Variants in PTGDS observed in about 807,000 individuals in gnomAD.
PTGDS encodes prostaglandin-H2 D-isomerase.
PTGDS carries 21 observed loss-of-function variants against 28.4 expected under a neutral mutation model. The observed-to-expected ratio is 0.74, with a 90% CI of 0.52 to 1.07. The LOEUF (loss-of-function observed/expected upper bound fraction) is 1.07, where lower values mean the gene tolerates loss of function less well. PTGDS is among the 50% of genes least tolerant of loss of function. The pLI is 0.00. For synonymous variants in PTGDS, 102 were observed against 106.0 expected (o/e 0.96, Z 0.23); for missense variants, 243 against 247.7 (o/e 0.98, Z 0.13).
chr9:136,977,688 A>G lies in PTGDS; in HGVS notation c.110A>G (p.Asp37Gly). The G allele has an allele frequency of 5.6e-6, 9 of 1,595,490 alleles. No individual in the cohort carries two copies. Among genetic ancestry groups the G allele is most frequent in the Non-Finnish European group, 7.7e-6 (9 of 1,172,846 alleles). Residue 37 changes from aspartate (D) to glycine (G), a missense_variant, in exon 1 of 7, where the codon GAC becomes GGC. Coordinates refer to ENST00000371625, the MANE Select transcript of PTGDS (RefSeq NM_000954.6). ...TCCGTGCAGCCCAACTTCCAGCAGGACAAGGTGAGGGGCTTTCCTGCGTCA... is the reference window on the plus strand; with the variant it reads ...TCCGTGCAGCCCAACTTCCAGCAGGGCAAGGTGAGGGGCTTTCCTGCGTCA... ...QVSVQPNFQQ[D>G]KFLGRWFSAG...
At position 136,980,179 on chromosome 9, in the gene PTGDS, C is replaced by T; in HGVS notation, c.449-4C>T. The T allele has an allele frequency of 6.2e-7, 1 of 1,613,652 alleles. No individual in the cohort carries two copies. The highest frequency in any genetic ancestry group is 8.5e-7 in the Non-Finnish European group (1 of 1,179,924). ...AGGCCAGCTCCGTCTCCACCCTGTCCCAGGCCGAACCCAGACCCCCAGGGC... is the reference window on the plus strand; with the variant it reads ...AGGCCAGCTCCGTCTCCACCCTGTCTCAGGCCGAACCCAGACCCCCAGGGC... On this transcript the variant is annotated splice_region_variant and splice_polypyrimidine_tract_variant and intron_variant, in intron 4 of 6. Coordinates refer to ENST00000371625, the MANE Select transcript of PTGDS (RefSeq NM_000954.6).
chr9:136,979,909 G>C, intron 3 of PTGDS, 37 bp from the exon 4 acceptor site: 1 of 1,580,322 alleles, frequency 6.3e-7, no homozygotes, highest in Non-Finnish European at 8.7e-7. Flanking sequence ...GGTTTGGGGG[G>C]CTGAGTCCCC....
At chr9:136,979,562 C>A in intron 3 of PTGDS, 1 of 1,103,706 alleles carries the variant, frequency 9.1e-7, no homozygotes, top group Non-Finnish European at 1.3e-6. Context: ...CTGGAGTTTT[C>A]CCCACATAAG....
rs1256465024 is a variant in PTGDS, at chr9:136,977,794, C to T, written c.114+102C>T. ...CCCCTGGGAGGAGTGAGCGAAGTCC[C>T]GCAGTGCCGGGCAGTGCCGGCCAGG... On this transcript the variant is annotated intron_variant, in intron 1 of 6. Transcript: ENST00000371625. 4 of 1,145,618 alleles carry T rather than the reference C, an allele frequency of 3.5e-6. No homozygotes were observed. The Admixed American group carries it at 8.1e-5, about 23-fold the overall frequency. The allele number at this position is 1,145,618 out of a possible 1,614,324, so 71.0% of individuals were successfully genotyped here.
chr9:136,979,003 G>A lies in PTGDS; in HGVS notation c.125G>A (p.Arg42His), dbSNP rs767866230. ...GGTCGCTCGCCGCAGTTCCTGGGGCGCTGGTTCAGCGCGGGCCTCGCCTCC... is the reference window on the plus strand; with the variant it reads ...GGTCGCTCGCCGCAGTTCCTGGGGCACTGGTTCAGCGCGGGCCTCGCCTCC... ...PNFQQDKFLG[R>H]WFSAGLASNS... The change falls in exon 2 of 7, where the codon CGC becomes CAC. Residue 42 changes from arginine to histidine, a missense_variant. Transcript: ENST00000371625. 1.9e-5 allele frequency: 30 copies of A among 1,608,090 alleles called. No homozygotes were observed. The highest frequency in any genetic ancestry group is 2.4e-5 in the Non-Finnish European group (28 of 1,178,288).
intron 5 of PTGDS, 96 bp downstream of exon 5, chr9:136,980,380 C>T (rs1830434876): frequency 5.1e-6 from 7 of 1,359,524 alleles, no homozygotes; most frequent in Non-Finnish European, 7.1e-6. Flanking sequence ...AGGAGGTGGC[C>T]CCGCCCTGCT....
At chr9:136,979,652 G>A (rs1322936574) in intron 3 of PTGDS, 1 of 617,632 alleles carries the variant, frequency 1.6e-6, no homozygotes, top group Admixed American at 3.0e-5. Flanking sequence ...CCCACCTGGG[G>A]AATGGCTCCC....
chr9:136,978,645 G>A (rs1341495653), intron 1 of PTGDS, among the ~76,000 whole-genome samples: 1 of 134,802 alleles, frequency 7.4e-6, no homozygotes, highest in African/African-American at 2.8e-5. Context: ...CCCTGGTTGT[G>A]GACATGAAGG....
At chr9:136,979,869 A>C in intron 3 of PTGDS, 77 bp from the exon 4 acceptor site, 1 of 1,364,360 alleles carries the variant, frequency 7.3e-7, no homozygotes, top group Non-Finnish European at 1.0e-6. Flanking sequence ...CAAAGCCCAC[A>C]GGTGCACCCC....
intron 1 of PTGDS, chr9:136,978,747 TG>T (rs1295812024): frequency 3.6e-6 from 1 of 280,410 alleles, no homozygotes; most frequent in Non-Finnish European, 6.4e-6. Flanking sequence ...GGGGCGGGGA[TG>T]TGAGGGGCGT....
At chr9:136,980,627 G>T (rs1048176837) in intron 5 of PTGDS, 3 of 1,527,428 alleles carry the variant, frequency 2.0e-6, no homozygotes, top group Non-Finnish European at 2.7e-6. Context: ...CCTCCTAGGG[G>T]TGGACAGCCT....
chr9:136,980,939 G>A (rs1446761023), intron 6 of PTGDS, 84 bp downstream of exon 6: 14 of 1,494,768 alleles, frequency 9.4e-6, no homozygotes, highest in Non-Finnish European at 1.3e-5. Flanking sequence ...GCGATGGGAT[G>A]GATCAGGGCC....
intron 1 of PTGDS, 30 bp from the exon 2 acceptor site, chr9:136,978,963 G>A: frequency 1.3e-6 from 2 of 1,599,806 alleles, no homozygotes; most frequent in Non-Finnish European, 1.7e-6. Context: ...GAGGGTCCTG[G>A]CCGACGCGGG....
At chr9:136,981,071 G>A in intron 6 of PTGDS, 3 of 673,390 alleles carry the variant, frequency 4.5e-6, no homozygotes, top group Non-Finnish European at 7.2e-6. Context: ...AGGAAAACCT[G>A]TCCCAGTGGC....
chr9:136,977,749 C>A, intron 1 of PTGDS, 57 bp downstream of exon 1: 1 of 1,419,234 alleles, frequency 7.0e-7, no homozygotes, highest in South Asian at 1.3e-5. Flanking sequence ...AGGGGAAGGG[C>A]ACTTTCCGGC....
At position 136,981,190 on chromosome 9, in the gene PTGDS, G is replaced by T. The variant is rs34858694; in HGVS notation, c.*335G>T. ...ACAGGGACCACCTGGCAGCAAGGGT[G>T]TCTGGCTCCTGGGCTAGGAGGAAAC... is the stretch of plus-strand genomic sequence containing the variant. On this transcript the variant is annotated intron_variant, in intron 6 of 6. Coordinates refer to ENST00000371625, the MANE Select transcript of PTGDS (RefSeq NM_000954.6). 6.2e-3 allele frequency: 2,137 copies of T among 345,272 alleles called. 12 individuals are homozygous for T. Among genetic ancestry groups the T allele is most frequent in the Non-Finnish European group, 8.4e-3 (1,601 of 191,548 alleles). The allele number at this position is 345,272 out of a possible 1,614,324, so 21.4% of individuals were successfully genotyped here.
At chr9:136,980,362 C>T in intron 5 of PTGDS, 78 bp downstream of exon 5, 1 of 1,490,852 alleles carries the variant, frequency 6.7e-7, no homozygotes, top group Non-Finnish European at 9.2e-7. Context: ...CTGGGGGAGG[C>T]AGAGGGGAGG....
At chr9:136,979,718 A>C (rs1830425121) in intron 3 of PTGDS, 1 of 618,820 alleles carries the variant, frequency 1.6e-6, no homozygotes, top group Non-Finnish European at 2.8e-6. Flanking sequence ...CTGCACCAGG[A>C]ATCCTGGTTT....
chr9:136,977,561 C>T lies in PTGDS; in HGVS notation c.-18C>T, dbSNP rs1830381091. Reference sequence around the variant, plus strand: ...ACCACTGGCACCAGGCCCCGGACACCCGCTCTGCTGCAGGAGAATGGCTAC... The same window carrying T: ...ACCACTGGCACCAGGCCCCGGACACTCGCTCTGCTGCAGGAGAATGGCTAC... On this transcript the variant is annotated 5_prime_UTR_variant, in exon 1 of 7. Coordinates refer to ENST00000371625, the MANE Select transcript of PTGDS (RefSeq NM_000954.6). 5 of 1,568,712 alleles carry T rather than the reference C, an allele frequency of 3.2e-6. No individual in the cohort carries two copies. The East Asian group carries it at 1.2e-4, about 36-fold the overall frequency.
Sources: gnomAD v4.1 joint callset for allele counts (sites outside exome capture counted in the v4.1 genomes callset) on GRCh38, gnomAD v4.1.1 for gene constraint, MANE v1.5 for transcripts, NCBI Gene and HGNC (gene_info 2026-07-23, HGNC 2026-07-21) for gene names.